Variants in SNAPC4 observed in about 807,000 individuals in gnomAD.
The protein encoded by SNAPC4 is snRNA-activating protein complex subunit 4.
A neutral mutation model predicts 151.3 loss-of-function variants in SNAPC4; 127 were observed. The observed-to-expected ratio is 0.84, with a 90% CI of 0.73 to 0.97. The LOEUF is 0.97. Ranked by LOEUF, SNAPC4 falls within the 50% of genes least tolerant of loss-of-function variation. The pLI, the probability that SNAPC4 is intolerant of heterozygous loss-of-function variation, is 0.00. For missense variants in SNAPC4, 2,186 were observed against 1,935.0 expected (o/e 1.13, Z -2.43); for synonymous variants, 1,002 against 824.4 (o/e 1.22, Z -3.69).
chr9:136,379,048 C>A lies in SNAPC4; in HGVS notation c.2779G>T (p.Val927Leu). ...LPSQLLVSSS[V>L]ILQPPLPHTP... is the part of the protein sequence containing the mutation. ...TGTGGTAGAGGGGGCTGGAGGATCACAGACGAGGAGACCAGCAGCTGGGAC... is the reference window on the plus strand; with the variant it reads ...TGTGGTAGAGGGGGCTGGAGGATCAAAGACGAGGAGACCAGCAGCTGGGAC... The change falls in exon 22 of 24, where the codon GTG becomes TTG. Residue 927 changes from valine to leucine, a missense_variant. Transcript: ENST00000684778. The A allele has an allele frequency of 6.3e-7, 1 of 1,592,018 alleles. No homozygotes were observed. The highest frequency in any genetic ancestry group is 8.5e-7 in the Non-Finnish European group (1 of 1,169,864).
At chr9:136,389,482 T>C (rs1833996783) in intron 10 of SNAPC4, among the ~76,000 whole-genome samples, 1 of 152,068 alleles carries the variant, frequency 6.6e-6, no homozygotes, top group Non-Finnish European at 1.5e-5. Flanking sequence ...ACCAAGTCCT[T>C]CCCAGCTCGC....
Position 136,378,960 on chromosome 9 carries a change from C to G in SNAPC4, c.2867G>C (p.Gly956Ala). ...GCCAGGTTTGGCTGCCGCGGGGGCC[C>G]CAGGCCCAGAGAGCGGTACATTTAA... The part of the protein sequence containing the change: ...TVLNVPLSGP[G>A]APAAAKPGTS... The change falls in exon 22 of 24, where the codon GGG (glycine) becomes GCG (alanine). Residue 956 changes from glycine to alanine, a missense_variant. Gly to Ala is a moderately conservative substitution (Grantham distance 60). Transcript: ENST00000684778. 2 of 1,609,032 alleles carry G rather than the reference C, an allele frequency of 1.2e-6. No individual in the cohort carries two copies. Among genetic ancestry groups the G allele is most frequent in the Non-Finnish European group, 1.7e-6 (2 of 1,178,726 alleles).
rs1695492502 is a variant in SNAPC4, at chr9:136,383,433, G to A, written c.1736C>T (p.Thr579Ile). 6.4e-7 allele frequency: 1 copy of A among 1,564,066 alleles called. No individual in the cohort carries two copies. The highest frequency in any genetic ancestry group is 1.4e-5 in the African/African-American group (1 of 73,772). Residue 579 changes from threonine (T) to isoleucine (I), a missense_variant, in exon 16 of 24, where the codon ACC becomes ATC. Physicochemically the swap from Thr to Ile is moderately conservative, Grantham distance 89 (BLOSUM62 -1). Transcript: ENST00000684778. This position sits in a 1 kb window ranked among gnomAD's most constrained non-coding sequence, Gnocchi z 4.2. Reference sequence around the variant, plus strand: ...TGCCCCTCCTCTCCATGGCTGGCTGGTGCTCTGCCTGGCAGGAACCCACAG... The same window carrying A: ...TGCCCCTCCTCTCCATGGCTGGCTGATGCTCTGCCTGGCAGGAACCCACAG... Reference protein sequence around the residue: ...MDLWVPARQSTSQPWRGGAGA... With the variant: ...MDLWVPARQSISQPWRGGAGA...
chr9:136,382,387 G>C, intron 16 of SNAPC4, 51 bp from the exon 17 acceptor site: 1 of 1,502,968 alleles, frequency 6.7e-7, no homozygotes, highest in Non-Finnish European at 9.2e-7. Context: ...CGGGACACAT[G>C]GGGGCCCTCC....
At chr9:136,377,517 G>C in intron 22 of SNAPC4, 26 bp downstream of exon 22, 1 of 1,501,126 alleles carries the variant, frequency 6.7e-7, no homozygotes, top group Non-Finnish European at 8.9e-7. Flanking sequence ...CTGCCATGGG[G>C]AAGTGGGGCT....
chr9:136,378,048 G>A lies in SNAPC4; in HGVS notation c.3779C>T (p.Pro1260Leu). Residue 1260 changes from proline to leucine, a missense_variant, in exon 22 of 24, where the codon CCC becomes CTC. Coordinates refer to ENST00000684778, the MANE Select transcript of SNAPC4 (RefSeq NM_003086.4). Reference sequence around the variant, plus strand: ...GGCCCCCTTCTCAGGCCCAGGCTGGGGTAGGGGCGGCTTCTCCAGGTCCAG... The same window carrying A: ...GGCCCCCTTCTCAGGCCCAGGCTGGAGTAGGGGCGGCTTCTCCAGGTCCAG... ...GALDLEKPPL[P>L]QPGPEKGALD... The A allele has an allele frequency of 1.3e-6, 2 of 1,581,854 alleles. No homozygotes were observed. The highest frequency in any genetic ancestry group is 1.3e-5 in the African/African-American group (1 of 74,168).
chr9:136,384,622 C>T (rs1833825334), intron 14 of SNAPC4, 98 bp downstream of exon 14: 2 of 643,206 alleles, frequency 3.1e-6, no homozygotes, highest in African/African-American at 3.8e-5. Flanking sequence ...GCACCCCAGC[C>T]TGGACGACAG....
Position 136,379,261 on chromosome 9 carries a change from T to C in SNAPC4, c.2566A>G (p.Lys856Glu). 1.9e-6 allele frequency: 3 copies of C among 1,612,590 alleles called. No individual in the cohort carries two copies. Reference protein sequence around the residue: ...FPNVPAQEASKSASHKGSRRL... With the variant: ...FPNVPAQEASESASHKGSRRL... ...CGGCTCCCTTTGTGGCTGGCACTCT[T>C]TGAGGCTTCTTGAGCCGGCACGTTT... The change falls in exon 22 of 24, where the codon AAG becomes GAG. Residue 856 changes from lysine (K) to glutamate (E), a missense_variant. By Grantham distance (56) the Lys-to-Glu change is moderately conservative. Coordinates refer to ENST00000684778, the MANE Select transcript of SNAPC4 (RefSeq NM_003086.4).
intron 7 of SNAPC4, among the ~76,000 whole-genome samples, chr9:136,393,959 C>T (rs1185995679): frequency 1.3e-5 from 2 of 152,258 alleles, no homozygotes; most frequent in Non-Finnish European, 2.9e-5. Context: ...GCTCTGTCAC[C>T]CAGGCTGGAA....
Position 136,392,596 on chromosome 9 carries a change from TG to T in SNAPC4, c.738-3del. The T allele has an allele frequency of 1.9e-6, 3 of 1,613,904 alleles. No individual in the cohort carries two copies. The highest frequency in any genetic ancestry group is 2.5e-6 in the Non-Finnish European group (3 of 1,180,032). On this transcript the variant is annotated splice_polypyrimidine_tract_variant and splice_region_variant and intron_variant, in intron 8 of 23. Transcript: ENST00000684778. ...AGCAAGGCCTCTTCTGGAAGCTGGCTGGTGGAAGGGATGAGGGTATTGGCAC... is the reference window on the plus strand; with the variant it reads ...AGCAAGGCCTCTTCTGGAAGCTGGCTGTGGAAGGGATGAGGGTATTGGCAC...
chr9:136,395,163 G>A, intron 5 of SNAPC4, 135 bp downstream of exon 5: 9 of 1,135,548 alleles, frequency 7.9e-6, no homozygotes, highest in East Asian at 2.5e-5. Flanking sequence ...CCACGGAGGA[G>A]GCAGTTTGAA....
intron 9 of SNAPC4, 36 bp from the exon 10 acceptor site, chr9:136,392,142 T>G: frequency 6.2e-7 from 1 of 1,608,366 alleles, no homozygotes; most frequent in Non-Finnish European, 8.5e-7. Flanking sequence ...TGCAGGCCAC[T>G]GACCCCAGGG....
chr9:136,396,108 C>G (rs1300123295), intron 3 of SNAPC4, among the ~76,000 whole-genome samples: 1 of 152,228 alleles, frequency 6.6e-6, no homozygotes, highest in Non-Finnish European at 1.5e-5. Context: ...CTGTCCTGAG[C>G]CCCTGTCGTG....
rs780857052 is a variant in SNAPC4 at position 136,392,613 on chromosome 9, G to A, written c.738-19C>T. The stretch of plus-strand genomic sequence containing the variant: ...AAGCTGGCTGGTGGAAGGGATGAGG[G>A]TATTGGCACCACGCCTGGCTTGTGG... On this transcript the variant is annotated intron_variant, in intron 8 of 23. Transcript: ENST00000684778. The A allele has an allele frequency of 6.2e-7, 1 of 1,613,658 alleles. No individual in the cohort carries two copies. Among genetic ancestry groups the A allele is most frequent in the African/African-American group, 1.3e-5 (1 of 74,948 alleles).
chr9:136,376,014 C>T (rs1040508646), intron 23 of SNAPC4, among the ~76,000 whole-genome samples: 1 of 152,156 alleles, frequency 6.6e-6, no homozygotes, highest in African/African-American at 2.4e-5. Context: ...GGATGGTGAT[C>T]GTTTTACAAG....
chr9:136,396,882 C>A (rs918441686), intron 3 of SNAPC4, 95 bp downstream of exon 3: 1 of 913,766 alleles, frequency 1.1e-6, no homozygotes, highest in East Asian at 2.4e-5. Flanking sequence ...TGCAGAAAAA[C>A]CAATATGGGT....
rs1833805870 is a variant in SNAPC4, at chr9:136,384,015, C to T, written c.1438G>A (p.Ala480Thr). The T allele has an allele frequency of 6.2e-7, 1 of 1,613,622 alleles. No individual in the cohort carries two copies. Among genetic ancestry groups the T allele is most frequent in the Admixed American group, 1.7e-5 (1 of 59,958 alleles). The change falls in exon 15 of 24, where the codon GCT becomes ACT. Residue 480 changes from alanine (A) to threonine (T), a missense_variant. Coordinates refer to ENST00000684778, the MANE Select transcript of SNAPC4 (RefSeq NM_003086.4). ...KYGVGHWAKI[A>T]SELPHRSGSQ... ...CCAGACCGATGGGGCAGCTCAGAAG[C>T]TATTTTTGCCCAGTGACCTGCAAAA...
Position 136,376,457 on chromosome 9 carries a change from A to G in SNAPC4, c.4309T>C (p.Ser1437Pro). Residue 1437 changes from serine (S) to proline (P), a missense_variant, in exon 23 of 24, where the codon TCT becomes CCT. By Grantham distance (74) the Ser-to-Pro change is moderately conservative (BLOSUM62 -1). Coordinates refer to ENST00000684778, the MANE Select transcript of SNAPC4 (RefSeq NM_003086.4). ...IQGAPDSGKC[S>P]ASSCLDTSND... ...GAAGTATCCAGGCAGGAGGAAGCAG[A>G]GCATTTACCAGAGTCTGGGGCTCCC... 1.2e-6 allele frequency: 2 copies of G among 1,613,332 alleles called. No individual in the cohort carries two copies. Among genetic ancestry groups the G allele is most frequent in the Non-Finnish European group, 1.7e-6 (2 of 1,179,866 alleles).
Position 136,379,884 on chromosome 9 carries a change from G to C in SNAPC4, c.2500-20C>G. On this transcript the variant is annotated intron_variant, in intron 20 of 23. Coordinates refer to ENST00000684778, the MANE Select transcript of SNAPC4 (RefSeq NM_003086.4). ...GGATGCCTGGAAATGAAAGAGAGGA[G>C]AGTCAGCAGCTCAGGTGTCCTCTGC... The C allele has an allele frequency of 6.2e-7, 1 of 1,610,808 alleles. No homozygotes were observed. Among genetic ancestry groups the C allele is most frequent in the Non-Finnish European group, 8.5e-7 (1 of 1,178,508 alleles).
Sources: allele counts gnomAD v4.1 joint callset (sites outside exome capture counted in the v4.1 genomes callset), GRCh38; gene constraint gnomAD v4.1.1; non-coding constraint Gnocchi (gnomAD v3.1); transcripts MANE v1.5; gene names NCBI Gene and HGNC (gene_info 2026-07-23, HGNC 2026-07-21).